KDM2B: variants seen among roughly 807,000 people sequenced by gnomAD.
KDM2B encodes lysine-specific demethylase 2B.
KDM2B carries 26 observed loss-of-function variants against 150.0 expected under a neutral mutation model. The ratio of observed to expected loss-of-function variants is 0.17; its 90% confidence interval spans 0.13 to 0.24. KDM2B has a LOEUF of 0.24. Ranked by LOEUF, KDM2B falls within the 10% of genes least tolerant of loss-of-function variation. The pLI is 1.00. For synonymous variants in KDM2B, 734 were observed against 729.5 expected (o/e 1.01, Z -0.10); for missense variants, 1,265 against 1,816.9 (o/e 0.70, Z 5.52).
At chr12:121,552,509 C>T (rs535320508) in intron 4 of KDM2B, among the ~76,000 whole-genome samples, 2 of 152,082 alleles carry the variant, frequency 1.3e-5, no homozygotes, top group East Asian at 1.9e-4. Context: ...CCTATCTCTA[C>T]TAAAAATACA....
chr12:121,476,097 C>G (rs529298242), intron 12 of KDM2B, among the ~76,000 whole-genome samples: 1 of 141,906 alleles, frequency 7.0e-6, no homozygotes, highest in Admixed American at 7.2e-5. Flanking sequence ...GAGTTCAAGA[C>G]CAGCCTGGCC....
intron 4 of KDM2B, among the ~76,000 whole-genome samples, chr12:121,550,829 GA>G (rs1889429406): frequency 6.6e-6 from 1 of 151,956 alleles, no homozygotes; most frequent in Non-Finnish European, 1.5e-5. Flanking sequence ...CATACGTTTT[GA>G]GGGGTTTTCC....
intron 9 of KDM2B, among the ~76,000 whole-genome samples, chr12:121,514,579 C>G (rs143685208): frequency 3.4e-4 from 51 of 151,878 alleles, no homozygotes; most frequent in African/African-American, 1.2e-3. Context: ...ACACTCACAC[C>G]TTGCTCCCTG....
rs565396866 is a variant in KDM2B at position 121,443,595 on chromosome 12, G to C, written c.2565+85C>G. ...AAGCCTCAGGAGAGGCAGCAGTGGGGTGGAGGACCAGCGGGGTGGGGTGGG... is the reference window on the plus strand; with the variant it reads ...AAGCCTCAGGAGAGGCAGCAGTGGGCTGGAGGACCAGCGGGGTGGGGTGGG... On this transcript the variant is annotated intron_variant, in intron 17 of 22. Coordinates refer to ENST00000377071, the MANE Select transcript of KDM2B (RefSeq NM_032590.5). 3.0e-5 allele frequency: 24 copies of C among 807,798 alleles called. No homozygotes were observed. In the African/African-American group the frequency reaches 3.5e-4, roughly 12 times the overall value. 50.0% of individuals were successfully genotyped at this position (807,798 alleles called of 1,614,324 possible).
chr12:121,494,604 A>G lies in KDM2B; in HGVS notation c.1709T>C (p.Val570Ala). 6.2e-7 allele frequency: 1 copy of G among 1,613,564 alleles called. No homozygotes were observed. The highest frequency in any genetic ancestry group is 8.5e-7 in the Non-Finnish European group (1 of 1,179,818). The change falls in exon 12 of 23, where the codon GTG becomes GCG. Residue 570 changes from valine to alanine, a missense_variant. This residue lies in a region of KDM2B where 69 missense variants were observed against 85.7 expected (regional missense o/e 0.81). Transcript: ENST00000377071. ...CTTTGGAGTCTTCTTTGGCCAAGTCACCACAGGGACCCCAGTGATGGCCAG... is the reference window on the plus strand; with the variant it reads ...CTTTGGAGTCTTCTTTGGCCAAGTCGCCACAGGGACCCCAGTGATGGCCAG... Reference protein sequence around the residue: ...PSLAITGVPVVTWPKKTPKNR... With the variant: ...PSLAITGVPVATWPKKTPKNR...
chr12:121,474,001 T>C (rs1315059562), intron 12 of KDM2B, among the ~76,000 whole-genome samples: 4 of 152,154 alleles, frequency 2.6e-5, no homozygotes, highest in African/African-American at 9.7e-5. Context: ...TATTGTATGA[T>C]GCCATTTATA....
At chr12:121,415,210 A>T in the KDM2B span, 1 of 220,668 alleles carries the variant, frequency 4.5e-6, no homozygotes, top group Admixed American at 4.2e-5. Flanking sequence ...AAATCTAGAG[A>T]GAGTTTCAGT....
intron 4 of KDM2B, among the ~76,000 whole-genome samples, chr12:121,571,348 G>A (rs1308923388): frequency 4.6e-5 from 7 of 152,176 alleles, no homozygotes; most frequent in Admixed American, 4.6e-4. Context: ...GAGTGCAGTG[G>A]TGCAATCTCG....
chr12:121,579,008 A>G (rs1490355432), intron 1 of KDM2B, 62 bp from the exon 2 acceptor site: 1 of 1,554,922 alleles, frequency 6.4e-7, no homozygotes, highest in Non-Finnish European at 8.7e-7. Flanking sequence ...TCGCCTCTCA[A>G]CCTGGGCCCA....
chr12:121,441,073 G>C lies in KDM2B; in HGVS notation c.3445C>G (p.Pro1149Ala). 3 of 1,614,126 alleles carry C rather than the reference G, an allele frequency of 1.9e-6. No individual in the cohort carries two copies. The highest frequency in any genetic ancestry group is 2.5e-6 in the Non-Finnish European group (3 of 1,180,004). Residue 1149 changes from proline (P) to alanine (A), a missense_variant, in exon 20 of 23, where the codon CCT becomes GCT. By Grantham distance (27) the Pro-to-Ala change is conservative. This residue lies in a region of KDM2B where 251 missense variants were observed against 397.8 expected (regional missense o/e 0.63). Coordinates refer to ENST00000377071, the MANE Select transcript of KDM2B (RefSeq NM_032590.5). Reference protein sequence around the residue: ...KQLSWLINRLPGLRDLVLSGC... With the variant: ...KQLSWLINRLAGLRDLVLSGC... Reference sequence around the variant, plus strand: ...GGGCCACTGGCCCAGGGCTCACCAGGCAGCCGGTTGATGAGCCAGCTCAGC... The same window carrying C: ...GGGCCACTGGCCCAGGGCTCACCAGCCAGCCGGTTGATGAGCCAGCTCAGC...
intron 11 of KDM2B, among the ~76,000 whole-genome samples, chr12:121,498,576 T>C (rs1014099368): frequency 6.6e-6 from 1 of 152,198 alleles, no homozygotes. Flanking sequence ...GTTTGGCCCA[T>C]GGGCCACCAA....
Position 121,467,074 on chromosome 12 carries a change from T to G in KDM2B, c.1735-13730A>C. 2 of 764,904 alleles carry G rather than the reference T, an allele frequency of 2.6e-6. No homozygotes were observed. Among genetic ancestry groups the G allele is most frequent in the South Asian group, 2.8e-5 (1 of 35,092 alleles). 47.4% of individuals were successfully genotyped at this position (764,904 alleles called of 1,614,324 possible). On this transcript the variant is annotated intron_variant, in intron 12 of 22. Transcript: ENST00000377071. This position sits in a 1 kb window ranked among gnomAD's most constrained non-coding sequence, Gnocchi z 5.1. ...TCTCCTCATCGCGGCGGCGGCGGCG[T>G]CGCGGCCGCCCTCGGCGCGTCAGAC...
chr12:121,460,081 C>G (rs1482032227), intron 12 of KDM2B, among the ~76,000 whole-genome samples: 1 of 152,186 alleles, frequency 6.6e-6, no homozygotes, highest in Non-Finnish European at 1.5e-5. Context: ...CTTAACATCA[C>G]TAACTAATAA....
chr12:121,509,576 C>T lies in KDM2B; in HGVS notation c.1638G>A (p.Glu546=), dbSNP rs1280876093. The change falls in exon 11 of 23, where the codon GAG becomes GAA. Residue 546 remains glutamate (E), a synonymous_variant. Transcript: ENST00000377071. ...EGIEDPQALL[E]GVKNVLKEHA... Reference sequence around the variant, plus strand: ...CGCCACTCCTGCCCACCTTCACACCCTCCAGGAGTGCCTGGGGGTCCTCGA... The same window carrying T: ...CGCCACTCCTGCCCACCTTCACACCTTCCAGGAGTGCCTGGGGGTCCTCGA... 1 of 1,613,350 alleles carries T rather than the reference C, an allele frequency of 6.2e-7. No individual in the cohort carries two copies. Among genetic ancestry groups the T allele is most frequent in the Non-Finnish European group, 8.5e-7 (1 of 1,179,948 alleles).
chr12:121,466,631 G>A (rs1414097624), intron 12 of KDM2B, among the ~76,000 whole-genome samples: 3 of 150,976 alleles, frequency 2.0e-5, no homozygotes, highest in African/African-American at 4.8e-5. Context: ...CGGGCGCGCG[G>A]CGCCCAGACA....
chr12:121,517,293 C>T (rs566153877), intron 9 of KDM2B, among the ~76,000 whole-genome samples: 1 of 152,184 alleles, frequency 6.6e-6, no homozygotes, highest in African/African-American at 2.4e-5. Context: ...ATTCCCCAAA[C>T]ACCTGTATAT....
chr12:121,561,318 C>T lies in KDM2B; in HGVS notation c.398-11680G>A, dbSNP rs76248711. 3.3e-5 allele frequency among the ~76,000 whole-genome samples: 5 copies of T among 152,076 alleles called. No individual in the cohort carries two copies. The South Asian group carries it at 1.0e-3, about 32-fold the overall frequency. On this transcript the variant is annotated intron_variant, in intron 4 of 22. Coordinates refer to ENST00000377071, the MANE Select transcript of KDM2B (RefSeq NM_032590.5). ...ACTCTTCCACATCACAGTTCTGGAA[C>T]CTTCTCCAGCATCCTCACATTTCTG...
intron 11 of KDM2B, among the ~76,000 whole-genome samples, chr12:121,501,869 C>A (rs1884596414): frequency 6.6e-6 from 1 of 152,224 alleles, no homozygotes; most frequent in Admixed American, 6.5e-5. Context: ...GATCCGCCCG[C>A]CTCGGCCTCC....
intron 9 of KDM2B, chr12:121,516,489 CCCTTCG>C: frequency 7.3e-7 from 1 of 1,372,844 alleles, no homozygotes; most frequent in Non-Finnish European, 9.6e-7. Flanking sequence ...TCGCCTTCCA[CCCTTCG>C]CCTTCAAAAG....
Sources: gnomAD v4.1 joint callset for allele counts (sites outside exome capture counted in the v4.1 genomes callset) on GRCh38, gnomAD v4.1.1 for gene constraint, gnomAD v4.1.1 regional missense constraint, Gnocchi (gnomAD v3.1) non-coding constraint, MANE v1.5 for transcripts, NCBI Gene and HGNC (gene_info 2026-07-23, HGNC 2026-07-21) for gene names.